SLC16A10: variants seen among roughly 807,000 people sequenced by gnomAD.
SLC16A10 encodes the protein solute carrier family 16 member 10.
Under a neutral mutation model 40.0 loss-of-function variants are expected in SLC16A10, and 27 were observed. The ratio of observed to expected loss-of-function variants is 0.67; its 90% confidence interval spans 0.50 to 0.93. The LOEUF (loss-of-function observed/expected upper bound fraction) is 0.93. Ranked by LOEUF, SLC16A10 falls within the 40% of genes least tolerant of loss-of-function variation. SLC16A10 has a pLI of 0.00. For missense variants in SLC16A10, 529 were observed against 658.2 expected, an observed-to-expected ratio of 0.80 and a Z score of 2.15; for synonymous variants, 213 against 249.8, an observed-to-expected ratio of 0.85 and a Z score of 1.39.
intron 1 of SLC16A10, among the ~76,000 whole-genome samples, chr6:111,131,349 G>A (rs1386758172): frequency 6.6e-6 from 1 of 152,158 alleles, no homozygotes; most frequent in African/African-American, 2.4e-5. Flanking sequence ...TCACTGTATG[G>A]CCCAAGGTTC....
At chr6:111,198,647 G>T (rs963593564) in intron 3 of SLC16A10, among the ~76,000 whole-genome samples, 7 of 152,170 alleles carry the variant, frequency 4.6e-5, no homozygotes, top group Admixed American at 1.3e-4. Context: ...TACAGTGAAA[G>T]TACAGGATTA....
chr6:111,177,766 T>C, intron 3 of SLC16A10, 101 bp downstream of exon 3: 1 of 1,073,984 alleles, frequency 9.3e-7, no homozygotes, highest in Middle Eastern at 2.2e-4. Context: ...TCAAACATTA[T>C]CCTGGTTGTA....
chr6:111,112,209 T>G (rs1381097921), intron 1 of SLC16A10, among the ~76,000 whole-genome samples: 1 of 151,586 alleles, frequency 6.6e-6, no homozygotes, highest in Non-Finnish European at 1.5e-5. Flanking sequence ...AAAAAAAAAT[T>G]TTTTTTTTCT....
At chr6:111,118,281 C>T (rs1489680259) in intron 1 of SLC16A10, among the ~76,000 whole-genome samples, 3 of 152,166 alleles carry the variant, frequency 2.0e-5, no homozygotes, top group Non-Finnish European at 4.4e-5. Context: ...AAAATGAATG[C>T]AAATGATAAA....
chr6:111,224,738 T>C lies in SLC16A10; in HGVS notation c.*2503T>C, dbSNP rs1335077151. ...AAAAGTTTAAAATGCACAAAGAAAA[T>C]GAAAAATACTAATATAAAAATTTGT... is the stretch of plus-strand genomic sequence containing the variant. On this transcript the variant is annotated 3_prime_UTR_variant, in exon 6 of 6. Transcript: ENST00000368851. 6.6e-6 allele frequency: 1 copy of C among 152,108 alleles called. No individual in the cohort carries two copies. Among genetic ancestry groups the C allele is most frequent in the African/African-American group, 2.4e-5 (1 of 41,428 alleles). 9.4% of individuals were successfully genotyped at this position (152,108 alleles called of 1,614,324 possible). A position where few individuals can be genotyped will look rare whatever the true frequency, so the allele number is the denominator to read the frequency against.
Position 111,122,981 on chromosome 6 carries a change from C to T in SLC16A10, c.343+34886C>T, listed in dbSNP as rs527482125. ...AGACTCATTCCATTTGGAAAATAAA[C>T]ATTGCCTCATCTGTTCATGGTATAT... On this transcript the variant is annotated intron_variant, in intron 1 of 5. Transcript: ENST00000368851. 6.6e-5 allele frequency among the ~76,000 whole-genome samples: 10 copies of T among 152,296 alleles called. No individual in the cohort carries two copies. In the South Asian group the frequency reaches 2.1e-3, roughly 32 times the overall value.
intron 3 of SLC16A10, among the ~76,000 whole-genome samples, chr6:111,199,579 G>A (rs1306748142): frequency 6.6e-6 from 1 of 151,832 alleles, no homozygotes; most frequent in African/African-American, 2.4e-5. Flanking sequence ...GAAATATCTG[G>A]CACAGAAATT....
chr6:111,087,869 C>T lies in SLC16A10; in HGVS notation c.117C>T (p.Pro39=). ...CCGGCCCGGGACCCTCGGACAGCCC[C>T]GAGGCGGCTGTCGAGAAGGTGGAGG... The part of the protein sequence containing the change: ...PPPGPGPSDS[P]EAAVEKVEVE... Residue 39 remains proline (P), a synonymous_variant, in exon 1 of 6, where the codon CCC becomes CCT. Transcript: ENST00000368851. 1 of 1,517,732 alleles carries T rather than the reference C, an allele frequency of 6.6e-7. No homozygotes were observed. 94.0% of individuals were successfully genotyped at this position (1,517,732 alleles called of 1,614,324 possible).
chr6:111,105,040 A>G (rs1325178767), intron 1 of SLC16A10, among the ~76,000 whole-genome samples: 1 of 152,028 alleles, frequency 6.6e-6, no homozygotes, highest in Non-Finnish European at 1.5e-5. Flanking sequence ...TCGTCTTAAG[A>G]CTTAGTCATT....
At chr6:111,209,972 A>T (rs894734921) in intron 4 of SLC16A10, among the ~76,000 whole-genome samples, 1 of 152,214 alleles carries the variant, frequency 6.6e-6, no homozygotes, top group African/African-American at 2.4e-5. Flanking sequence ...TTGAGGATTA[A>T]GCCTGTCTAA....
intron 1 of SLC16A10, among the ~76,000 whole-genome samples, chr6:111,160,164 G>GT (rs1354142936): frequency 1.3e-5 from 2 of 152,116 alleles, no homozygotes; most frequent in African/African-American, 4.8e-5. Flanking sequence ...CTGATTTCTT[G>GT]TATGGGCATT....
chr6:111,212,792 C>CA (rs1284583223), intron 4 of SLC16A10, among the ~76,000 whole-genome samples: 2 of 78,536 alleles, frequency 2.5e-5, no homozygotes, highest in Non-Finnish European at 6.9e-5. Flanking sequence ...GACTTTGTCT[C>CA]AAAAAAATAA....
At chr6:111,189,669 A>T (rs1450305799) in intron 3 of SLC16A10, among the ~76,000 whole-genome samples, 1 of 152,166 alleles carries the variant, frequency 6.6e-6, no homozygotes, top group African/African-American at 2.4e-5. Flanking sequence ...GATCAAAGGC[A>T]TGTCTTACAT....
chr6:111,090,305 A>G (rs910117406), intron 1 of SLC16A10, among the ~76,000 whole-genome samples: 1 of 152,190 alleles, frequency 6.6e-6, no homozygotes, highest in Non-Finnish European at 1.5e-5. Context: ...ATATCTATTT[A>G]TGGTTGTGCC....
chr6:111,141,447 G>A (rs1156803717), intron 1 of SLC16A10, among the ~76,000 whole-genome samples: 1 of 152,166 alleles, frequency 6.6e-6, no homozygotes, highest in African/African-American at 2.4e-5. Flanking sequence ...CGGATCACCT[G>A]GGGTCAGGAG....
intron 3 of SLC16A10, among the ~76,000 whole-genome samples, chr6:111,188,134 G>C (rs982492426): frequency 6.6e-6 from 1 of 152,116 alleles, no homozygotes; most frequent in Admixed American, 6.6e-5. Context: ...TAACTGAAGA[G>C]TTGCCCTATC....
chr6:111,203,974 T>G (rs1310105077), intron 3 of SLC16A10, among the ~76,000 whole-genome samples: 2 of 152,174 alleles, frequency 1.3e-5, no homozygotes, highest in Middle Eastern at 3.4e-3. Flanking sequence ...GCCTGGTAGA[T>G]TCAGTCTTTT....
chr6:111,087,697 G>C lies in SLC16A10; in HGVS notation c.-56G>C, dbSNP rs1419186176. 4.9e-6 allele frequency: 5 copies of C among 1,030,060 alleles called. No individual in the cohort carries two copies. In the Admixed American group the frequency reaches 1.8e-4, roughly 37 times the overall value. The allele number at this position is 1,030,060 out of a possible 1,614,324, so 63.8% of individuals were successfully genotyped here. On this transcript the variant is annotated 5_prime_UTR_variant, in exon 1 of 6. Transcript: ENST00000368851. The stretch of plus-strand genomic sequence containing the variant: ...AGCCCCGCAGCTCCTCCGGGAGCCC[G>C]CTGGTAACTCGCGTCCCTCGCGCTT...
At chr6:111,138,233 A>C (rs1771917208) in intron 1 of SLC16A10, among the ~76,000 whole-genome samples, 2 of 152,258 alleles carry the variant, frequency 1.3e-5, no homozygotes, top group Non-Finnish European at 2.9e-5. Context: ...GTTATTACTT[A>C]GTAAGAGTTG....
Sources: allele counts gnomAD v4.1 joint callset (sites outside exome capture counted in the v4.1 genomes callset), GRCh38; gene constraint gnomAD v4.1.1; transcripts MANE v1.5; gene names NCBI Gene and HGNC (gene_info 2026-07-23, HGNC 2026-07-21).